Variants in PVT1 observed in about 807,000 individuals in gnomAD.
PVT1 encodes the protein Pvt1 oncogene, also known as CXCR4/PVT1 fusion.
At chr8:127,889,074 T>G (rs994680246) in intron 2 of PVT1, among the ~76,000 whole-genome samples, 1 of 149,266 alleles carries the variant, frequency 6.7e-6, no homozygotes. Context: ...CTTCCTTCCT[T>G]CCTTCCTTCC....
intron 2 of PVT1, among the ~76,000 whole-genome samples, chr8:127,868,163 G>A (rs774393064): frequency 4.6e-5 from 7 of 152,084 alleles, no homozygotes; most frequent in Non-Finnish European, 1.0e-4. Flanking sequence ...TAATCCTAGA[G>A]CAGTTCTGCG....
intron 3 of PVT1, among the ~76,000 whole-genome samples, chr8:127,965,906 G>A (rs1454852156): frequency 6.6e-6 from 1 of 152,166 alleles, no homozygotes; most frequent in Non-Finnish European, 1.5e-5. Context: ...AGGCAAGGAG[G>A]TTACAGGATT....
At chr8:127,902,147 A>T (rs1269570121) in intron 3 of PVT1, among the ~76,000 whole-genome samples, 2 of 152,116 alleles carry the variant, frequency 1.3e-5, no homozygotes, top group South Asian at 4.1e-4. Context: ...ATACCTGTGA[A>T]CAGAATGGCC....
chr8:128,041,066 TTGTG>T (rs912509948), intron 4 of PVT1, among the ~76,000 whole-genome samples: 3 of 151,526 alleles, frequency 2.0e-5, no homozygotes, highest in Non-Finnish European at 4.4e-5. Context: ...TGTTTTGTGC[TTGTG>T]TGTATTTGTG....
At position 128,048,839 on chromosome 8, in the gene PVT1, G is replaced by GC. The variant is rs557251033; in HGVS notation, n.913-21316dup. ...TTGTGTCAGGAGAAATGTGTGGAGA[G>GC]CCCCCTGTTGTTCTCAGGTGTCTCA... is the stretch of plus-strand genomic sequence containing the variant. On this transcript the variant is annotated intron_variant and non_coding_transcript_variant, in intron 4 of 10. Coordinates refer to ENST00000651587, the Ensembl canonical transcript of PVT1. Among the ~76,000 whole-genome samples, 796 of 152,348 alleles carry GC rather than the reference G, an allele frequency of 5.2e-3. 8 individuals carry two copies. The highest frequency in any genetic ancestry group is 0.018 in the African/African-American group (769 of 41,584).
chr8:127,959,586 GAAAAAAAAAAAAA>G (rs34255005), intron 3 of PVT1, among the ~76,000 whole-genome samples: 1 of 76,494 alleles, frequency 1.3e-5, no homozygotes. Flanking sequence ...TCTGTCTCAG[GAAAAAAAAAAAAA>G]AAAAAAAAAA....
At chr8:128,023,220 T>C (rs1254774148) in intron 4 of PVT1, among the ~76,000 whole-genome samples, 1 of 152,160 alleles carries the variant, frequency 6.6e-6, no homozygotes, top group African/African-American at 2.4e-5. Flanking sequence ...ATCTCTTTTA[T>C]CACCATGAAA....
chr8:127,840,923 GT>G (rs1309798464), intron 2 of PVT1, among the ~76,000 whole-genome samples: 1 of 152,238 alleles, frequency 6.6e-6, no homozygotes, highest in Non-Finnish European at 1.5e-5. Flanking sequence ...GGAAGCGGCT[GT>G]TCAGACAGCT....
chr8:127,816,638 C>T lies in PVT1; in HGVS notation n.372+20567C>T, dbSNP rs1449329661. Among the ~76,000 whole-genome samples the T allele has an allele frequency of 3.9e-5, 6 of 152,046 alleles. No homozygotes were observed. The East Asian group carries it at 1.2e-3, about 29-fold the overall frequency. On this transcript the variant is annotated intron_variant and non_coding_transcript_variant, in intron 2 of 10. Transcript: ENST00000651587. ...TCCTGGGTTCAAGCGATTCTCCTGC[C>T]TCAGTCTCCTGAGTAGCTGGGATTA...
chr8:127,818,879 C>T (rs543600838), intron 2 of PVT1, among the ~76,000 whole-genome samples: 1 of 135,272 alleles, frequency 7.4e-6, no homozygotes, highest in South Asian at 2.3e-4. Context: ...TTCTCTCTCT[C>T]TCTCTCACTC....
intron 2 of PVT1, among the ~76,000 whole-genome samples, chr8:127,850,546 G>A (rs974223769): frequency 6.6e-6 from 1 of 152,202 alleles, no homozygotes; most frequent in African/African-American, 2.4e-5. Flanking sequence ...TGATGGTGTG[G>A]ACCCATGCAC....
chr8:128,063,740 G>A (rs1404441920), intron 4 of PVT1, among the ~76,000 whole-genome samples: 1 of 152,070 alleles, frequency 6.6e-6, no homozygotes, highest in East Asian at 1.9e-4. Flanking sequence ...TTGGCCAAAG[G>A]ATATACAATT....
intron 3 of PVT1, among the ~76,000 whole-genome samples, chr8:127,934,939 G>T (rs1816254468): frequency 6.6e-6 from 1 of 152,054 alleles, no homozygotes; most frequent in Non-Finnish European, 1.5e-5. Context: ...CTGTACCTGG[G>T]TGCTCTGTTA....
At chr8:127,797,381 C>A (rs1049702577) in intron 2 of PVT1, among the ~76,000 whole-genome samples, 1 of 152,076 alleles carries the variant, frequency 6.6e-6, no homozygotes, top group Admixed American at 6.5e-5. Flanking sequence ...TTTGAGGGAT[C>A]AGGACCACAC....
intron 4 of PVT1, among the ~76,000 whole-genome samples, chr8:128,043,221 A>C (rs1208678024): frequency 6.6e-6 from 1 of 152,206 alleles, no homozygotes; most frequent in Non-Finnish European, 1.5e-5. Flanking sequence ...AATATAATGA[A>C]AATTTCTGAA....
At position 127,814,856 on chromosome 8, in the gene PVT1, C is replaced by T. The variant is rs140178774; in HGVS notation, n.372+18785C>T. Among the ~76,000 whole-genome samples, 373 of 152,346 alleles carry T rather than the reference C, an allele frequency of 2.4e-3. 1 individual carries two copies. The highest frequency in any genetic ancestry group is 8.6e-3 in the African/African-American group (357 of 41,596). ...CTCTCCTCTCCCCCTCCCCTCATCC[C>T]CTGGTATCCACAGTTTCTATGAATC... On this transcript the variant is annotated intron_variant and non_coding_transcript_variant, in intron 2 of 10. Transcript: ENST00000651587.
chr8:128,011,661 T>C (rs1006088644), intron 4 of PVT1, among the ~76,000 whole-genome samples: 1 of 152,182 alleles, frequency 6.6e-6, no homozygotes, highest in African/African-American at 2.4e-5. Flanking sequence ...ACAAGGAAAC[T>C]AGGGCCGTCT....
intron 5 of PVT1, among the ~76,000 whole-genome samples, chr8:128,091,195 C>T (rs1407332495): frequency 1.3e-5 from 2 of 152,182 alleles, no homozygotes; most frequent in African/African-American, 2.4e-5. Context: ...GTTTACTCCT[C>T]GGACTGTCCC....
intron 3 of PVT1, among the ~76,000 whole-genome samples, chr8:127,907,664 G>T (rs965148091): frequency 3.3e-5 from 5 of 152,192 alleles, no homozygotes. Context: ...ATGCAGTGCT[G>T]CCAATGATCA....
Sources: allele counts gnomAD v4.1 joint callset (sites outside exome capture counted in the v4.1 genomes callset), GRCh38; gene constraint gnomAD v4.1.1; transcripts MANE v1.5; gene names NCBI Gene and HGNC (gene_info 2026-07-23, HGNC 2026-07-21).